The following UGT8 variants were observed in gnomAD, a reference collection of about 807,000 sequenced individuals.
UGT8 encodes the protein 2-hydroxyacylsphingosine 1-beta-galactosyltransferase.
In UGT8, 12 loss-of-function variants were observed where a neutral mutation model predicts 40.5. That is an observed-to-expected ratio of 0.30 (90% CI 0.19 to 0.48). The LOEUF is 0.48. Ranked by LOEUF, UGT8 falls within the 20% of genes least tolerant of loss-of-function variation. The pLI is 0.99. For synonymous variants in UGT8, 224 were observed against 240.4 expected (o/e 0.93, Z 0.63); for missense variants, 513 against 648.7 (o/e 0.79, Z 2.27).
In UGT8 at chr4:114,671,169, A is replaced by T. The variant is rs148764491; in HGVS notation, c.1262+2865A>T. Among the ~76,000 whole-genome samples, 13 of 152,312 alleles carry T rather than the reference A, an allele frequency of 8.5e-5. No homozygotes were observed. The East Asian group carries it at 2.3e-3, about 27-fold the overall frequency. ...TCAAGGAAATGAGAGGACACAAACAAATTGAAAACATTCCATCCTCATGGA... is the reference window on the plus strand; with the variant it reads ...TCAAGGAAATGAGAGGACACAAACATATTGAAAACATTCCATCCTCATGGA... On this transcript the variant is annotated intron_variant, in intron 5 of 5. Transcript: ENST00000310836.
chr4:114,633,238 T>C (rs1355700040), intron 2 of UGT8, among the ~76,000 whole-genome samples: 5 of 152,252 alleles, frequency 3.3e-5, no homozygotes, highest in Non-Finnish European at 5.9e-5. Flanking sequence ...TTGTTTGTGT[T>C]GCTTCTAGTC....
At chr4:114,672,150 T>G (rs1481326617) in intron 5 of UGT8, among the ~76,000 whole-genome samples, 16 of 152,144 alleles carry the variant, frequency 1.1e-4, no homozygotes, top group Non-Finnish European at 4.4e-5. Flanking sequence ...GAATGGTGAT[T>G]ATTAAAAAGT....
chr4:114,639,279 G>C (rs978590346), intron 2 of UGT8, among the ~76,000 whole-genome samples: 3 of 152,220 alleles, frequency 2.0e-5, no homozygotes, highest in African/African-American at 7.2e-5. Context: ...TATATATTCA[G>C]TATCAGGACC....
intron 1 of UGT8, among the ~76,000 whole-genome samples, chr4:114,617,298 C>T (rs1054023437): frequency 1.1e-4 from 16 of 152,152 alleles, no homozygotes; most frequent in Non-Finnish European, 1.6e-4. Flanking sequence ...TTGGAGAAAT[C>T]ACTTTTACAG....
At chr4:114,614,431 A>G (rs529792445) in intron 1 of UGT8, among the ~76,000 whole-genome samples, 1 of 152,310 alleles carries the variant, frequency 6.6e-6, no homozygotes, top group African/African-American at 2.4e-5. Context: ...ATAAGATGGC[A>G]TACTAGTTTA....
At chr4:114,628,912 G>C (rs1407188495) in intron 2 of UGT8, among the ~76,000 whole-genome samples, 1 of 150,932 alleles carries the variant, frequency 6.6e-6, no homozygotes, top group Non-Finnish European at 1.5e-5. Context: ...TTGTGAGCAG[G>C]TAAGTTTATG....
intron 2 of UGT8, among the ~76,000 whole-genome samples, chr4:114,631,093 G>A (rs953668970): frequency 8.5e-5 from 13 of 152,136 alleles, no homozygotes; most frequent in Non-Finnish European, 1.8e-4. Context: ...AAGATCTAAG[G>A]TTCAGACTCG....
intron 1 of UGT8, among the ~76,000 whole-genome samples, chr4:114,612,133 C>T (rs1247805662): frequency 1.3e-5 from 2 of 151,986 alleles, no homozygotes; most frequent in Non-Finnish European, 2.9e-5. Context: ...AACCTAAACT[C>T]GTATCTTATT....
chr4:114,632,739 A>G (rs1240377886), intron 2 of UGT8, among the ~76,000 whole-genome samples: 3 of 152,232 alleles, frequency 2.0e-5, no homozygotes, highest in African/African-American at 7.2e-5. Context: ...ATCTCAGGTC[A>G]GTCAACTTTT....
intron 2 of UGT8, among the ~76,000 whole-genome samples, chr4:114,628,054 A>G (rs574267480): frequency 5.3e-5 from 8 of 152,306 alleles, no homozygotes; most frequent in South Asian, 4.1e-4. Context: ...TATTATAACT[A>G]TCATCTGTTT....
intron 2 of UGT8, among the ~76,000 whole-genome samples, chr4:114,624,276 A>G (rs1429395251): frequency 6.6e-6 from 1 of 152,226 alleles, no homozygotes; most frequent in Non-Finnish European, 1.5e-5. Flanking sequence ...TTTCATTTCA[A>G]TGATGGAATC....
At chr4:114,649,532 C>T (rs1160965195) in intron 2 of UGT8, among the ~76,000 whole-genome samples, 1 of 152,176 alleles carries the variant, frequency 6.6e-6, no homozygotes, top group Non-Finnish European at 1.5e-5. Flanking sequence ...ACCCAAGCTG[C>T]TTCAACACTC....
intron 1 of UGT8, among the ~76,000 whole-genome samples, chr4:114,608,654 A>C (rs959262794): frequency 6.6e-6 from 1 of 152,222 alleles, no homozygotes; most frequent in Non-Finnish European, 1.5e-5. Flanking sequence ...GAACTCTACT[A>C]TAAAATTATA....
intron 2 of UGT8, 124 bp downstream of exon 2, chr4:114,623,826 G>A (rs1732011857): frequency 7.6e-7 from 1 of 1,307,984 alleles, no homozygotes; most frequent in African/African-American, 1.5e-5. Flanking sequence ...AGGTGATTAG[G>A]ACATGGGGCC....
At chr4:114,665,816 C>A in intron 4 of UGT8, 60 bp downstream of exon 4, 5 of 1,090,106 alleles carry the variant, frequency 4.6e-6, no homozygotes, top group African/African-American at 1.7e-5. Flanking sequence ...ATAAATGTGA[C>A]TTTTTTTTTT....
chr4:114,676,220 C>A lies in UGT8; in HGVS notation c.1558C>A (p.His520Asn). The change falls in exon 6 of 6, where the codon CAC becomes AAC. Residue 520 changes from histidine (H) to asparagine (N), a missense_variant. Transcript: ENST00000310836. ...GCATAGCACAGTTAATGGACATTAC[C>A]ACAATGGAATCCTCAATGGCAAGTA... is the stretch of plus-strand genomic sequence containing the variant. ...NKHSTVNGHY[H>N]NGILNGKYKR... The A allele has an allele frequency of 6.2e-7, 1 of 1,613,402 alleles. No homozygotes were observed. Among genetic ancestry groups the A allele is most frequent in the Non-Finnish European group, 8.5e-7 (1 of 1,179,816 alleles).
intron 5 of UGT8, 83 bp downstream of exon 5, chr4:114,668,387 C>A (rs1735026245): frequency 3.6e-6 from 4 of 1,097,726 alleles, no homozygotes; most frequent in African/African-American, 1.6e-5. Flanking sequence ...AATAGATTGT[C>A]AATAAATTAT....
intron 2 of UGT8, among the ~76,000 whole-genome samples, chr4:114,627,666 A>G (rs925165209): frequency 1.3e-5 from 2 of 152,178 alleles, no homozygotes; most frequent in African/African-American, 2.4e-5. Flanking sequence ...AGAATAGTAC[A>G]TGTTTACTTA....
chr4:114,624,677 G>A (rs1732076625), intron 2 of UGT8, among the ~76,000 whole-genome samples: 1 of 152,206 alleles, frequency 6.6e-6, no homozygotes, highest in Non-Finnish European at 1.5e-5. Flanking sequence ...TATAGATGAG[G>A]ACAATCACAT....
Sources: allele counts gnomAD v4.1 joint callset (sites outside exome capture counted in the v4.1 genomes callset), GRCh38; gene constraint gnomAD v4.1.1; transcripts MANE v1.5; gene names NCBI Gene and HGNC (gene_info 2026-07-23, HGNC 2026-07-21).